TMEM132B: variants seen among roughly 807,000 people sequenced by gnomAD.
TMEM132B encodes the protein transmembrane protein 132B.
TMEM132B carries 18 observed loss-of-function variants against 90.8 expected under a neutral mutation model. The observed-to-expected ratio is 0.20, with a 90% CI of 0.14 to 0.29. The LOEUF is 0.29. Ranked by LOEUF, TMEM132B falls within the 10% of genes least tolerant of loss-of-function variation. The pLI, the probability that TMEM132B is intolerant of heterozygous loss-of-function variation, is 1.00. For missense variants in TMEM132B, 1,096 were observed against 1,326.8 expected (o/e 0.83, Z 2.70); for synonymous variants, 504 against 523.3 (o/e 0.96, Z 0.50).
At chr12:125,417,905 C>A (rs1250104789) in intron 3 of TMEM132B, among the ~76,000 whole-genome samples, 1 of 152,160 alleles carries the variant, frequency 6.6e-6, no homozygotes, top group East Asian at 1.9e-4. Context: ...CAGCCCTGAA[C>A]CAGGGGTTTT....
rs554235181 is a variant in TMEM132B at position 125,507,605 on chromosome 12, G to A, written c.1107-11834G>A. On this transcript the variant is annotated intron_variant, in intron 3 of 8. Coordinates refer to ENST00000682704, the MANE Select transcript of TMEM132B (RefSeq NM_001366854.1). The stretch of plus-strand genomic sequence containing the variant: ...GGTAGAGGCATGAGCTAGTGCAAAG[G>A]CCCTGAGGCAGCAGCATGGCTGGAG... 3.3e-5 allele frequency among the ~76,000 whole-genome samples: 5 copies of A among 152,212 alleles called. No homozygotes were observed. In the South Asian group the frequency reaches 6.2e-4, roughly 19 times the overall value.
At chr12:125,560,615 G>A (rs1338692138) in intron 4 of TMEM132B, among the ~76,000 whole-genome samples, 1 of 151,758 alleles carries the variant, frequency 6.6e-6, no homozygotes, top group African/African-American at 2.4e-5. Flanking sequence ...GAGGTCAGGA[G>A]ATCGAGACCA....
intron 5 of TMEM132B, among the ~76,000 whole-genome samples, chr12:125,639,625 A>G (rs905536759): frequency 2.6e-5 from 4 of 152,276 alleles, no homozygotes; most frequent in Non-Finnish European, 5.9e-5. Context: ...AGTACATTAT[A>G]TAACAGAGCA....
chr12:125,383,122 G>A (rs1442847346), intron 2 of TMEM132B, among the ~76,000 whole-genome samples: 1 of 152,142 alleles, frequency 6.6e-6, no homozygotes, highest in Admixed American at 6.5e-5. Context: ...GAACTGGACG[G>A]TGAGACGGCC....
intron 1 of TMEM132B, among the ~76,000 whole-genome samples, chr12:125,276,617 G>A (rs1039047595): frequency 6.6e-6 from 1 of 152,188 alleles, no homozygotes; most frequent in Admixed American, 6.5e-5. Context: ...AACTTCGAGA[G>A]TGCATTTGTG....
intron 3 of TMEM132B, among the ~76,000 whole-genome samples, chr12:125,427,436 T>G (rs749310132): frequency 1.3e-5 from 2 of 152,248 alleles, no homozygotes; most frequent in Non-Finnish European, 2.9e-5. Context: ...GACCTGGGAT[T>G]TGAACCCAGG....
At position 125,458,863 on chromosome 12, in the gene TMEM132B, CTTTA is replaced by C. The variant is rs908697266; in HGVS notation, c.1106+43190_1106+43193del. Reference sequence around the variant, plus strand: ...TCCTGTCATCACTTGACCTGGCTGTCTTTATTTTAGTTCCATGCTATGACACTCC... The same window carrying C: ...TCCTGTCATCACTTGACCTGGCTGTCTTTTAGTTCCATGCTATGACACTCC... On this transcript the variant is annotated intron_variant, in intron 3 of 8. Coordinates refer to ENST00000682704, the MANE Select transcript of TMEM132B (RefSeq NM_001366854.1). The surrounding 1 kb of genome is among the most constrained non-coding windows in gnomAD (Gnocchi z 4.9). Among the ~76,000 whole-genome samples, 9 of 152,286 alleles carry C rather than the reference CTTTA, an allele frequency of 5.9e-5. No individual in the cohort carries two copies. Among genetic ancestry groups the C allele is most frequent in the Admixed American group, 4.6e-4 (7 of 15,302 alleles).
At chr12:125,622,501 C>A in intron 5 of TMEM132B, 1 of 985,394 alleles carries the variant, frequency 1.0e-6, no homozygotes, top group Non-Finnish European at 1.2e-6. Context: ...GACTCACAGT[C>A]AAGAAAGGTG....
chr12:125,446,664 C>T (rs1454497719), intron 3 of TMEM132B, among the ~76,000 whole-genome samples: 1 of 152,168 alleles, frequency 6.6e-6, no homozygotes, highest in African/African-American at 2.4e-5. Flanking sequence ...GTTTCTCCTA[C>T]ATAGTAGGCA....
chr12:125,276,462 C>CTAA (rs1286658788), intron 1 of TMEM132B, among the ~76,000 whole-genome samples: 2 of 152,206 alleles, frequency 1.3e-5, no homozygotes, highest in African/African-American at 4.8e-5. Flanking sequence ...GGACTTTGTT[C>CTAA]TAATAATCAT....
Position 125,454,334 on chromosome 12 carries a change from C to T in TMEM132B, c.1106+38657C>T, listed in dbSNP as rs144148928. The stretch of plus-strand genomic sequence containing the variant: ...GTGAACCTATACATGGCAACAGTTA[C>T]GCAGAAAGATGGCAAAAGGAAGTGC... On this transcript the variant is annotated intron_variant, in intron 3 of 8. Coordinates refer to ENST00000682704, the MANE Select transcript of TMEM132B (RefSeq NM_001366854.1). 1.8e-4 allele frequency among the ~76,000 whole-genome samples: 27 copies of T among 151,996 alleles called. No homozygotes were observed. In the East Asian group the frequency reaches 2.1e-3, roughly 12 times the overall value.
chr12:125,485,707 T>C (rs964362679), intron 3 of TMEM132B, among the ~76,000 whole-genome samples: 5 of 152,214 alleles, frequency 3.3e-5, no homozygotes, highest in African/African-American at 9.6e-5. Flanking sequence ...GTTCTGGGTA[T>C]ATTCTCCGGA....
At chr12:125,645,963 A>G (rs574624061) in intron 6 of TMEM132B, among the ~76,000 whole-genome samples, 70 of 152,350 alleles carry the variant, frequency 4.6e-4, no homozygotes, top group South Asian at 4.6e-3. Context: ...ACTGCCTTGA[A>G]CAGATTGTTA....
intron 4 of TMEM132B, among the ~76,000 whole-genome samples, chr12:125,538,600 G>A (rs1284555385): frequency 2.0e-5 from 3 of 152,204 alleles, no homozygotes; most frequent in Admixed American, 2.0e-4. Flanking sequence ...ATTCTGATGT[G>A]AGTCCAAGTT....
At chr12:125,435,407 C>T (rs74595427) in intron 3 of TMEM132B, among the ~76,000 whole-genome samples, 28,444 of 151,858 alleles carry the variant, frequency 0.19, 3,103 homozygotes, top group African/African-American at 0.31. Context: ...CCTACCCACC[C>T]GGGGCTGGGA....
intron 1 of TMEM132B, among the ~76,000 whole-genome samples, chr12:125,348,994 G>A (rs556553417): frequency 1.3e-5 from 2 of 152,170 alleles, no homozygotes; most frequent in Non-Finnish European, 2.9e-5. Flanking sequence ...TCATGTCCAC[G>A]TAGATTGTAC....
intron 1 of TMEM132B, among the ~76,000 whole-genome samples, chr12:125,295,615 C>G (rs1281301651): frequency 6.6e-6 from 1 of 151,874 alleles, no homozygotes; most frequent in East Asian, 1.9e-4. Flanking sequence ...GTGATGATGT[C>G]TTGTATCTCC....
chr12:125,505,188 A>AC (rs1258979477), intron 3 of TMEM132B, among the ~76,000 whole-genome samples: 2 of 146,846 alleles, frequency 1.4e-5, no homozygotes, highest in African/African-American at 5.2e-5. Context: ...AAAAAAAAAA[A>AC]AAAAAAACAG....
In TMEM132B at chr12:125,300,046, C is replaced by T. The variant is rs184877290; in HGVS notation, c.68-49406C>T. Among the ~76,000 whole-genome samples, 333 of 152,370 alleles carry T rather than the reference C, an allele frequency of 2.2e-3. 2 individuals carry two copies. Among genetic ancestry groups the T allele is most frequent in the Non-Finnish European group, 4.0e-3 (273 of 68,040 alleles). ...CCCATGCGCCCTGCGTGGGCCGCCA[C>T]GGGGGCTTTGCACTCGCTGTGCTTG... On this transcript the variant is annotated intron_variant, in intron 1 of 8. Transcript: ENST00000682704.
Sources: gnomAD v4.1 joint callset for allele counts (sites outside exome capture counted in the v4.1 genomes callset) on GRCh38, gnomAD v4.1.1 for gene constraint, Gnocchi (gnomAD v3.1) non-coding constraint, MANE v1.5 for transcripts, NCBI Gene and HGNC (gene_info 2026-07-23, HGNC 2026-07-21) for gene names.